Variants in CD6 observed in about 807,000 individuals in gnomAD.
CD6 encodes CD6 molecule.
A neutral mutation model predicts 75.3 loss-of-function variants in CD6; 53 were observed. That is an observed-to-expected ratio of 0.70 (90% CI 0.56 to 0.88). The LOEUF (loss-of-function observed/expected upper bound fraction) is 0.88, where lower values mean the gene tolerates loss of function less well. Ranked by LOEUF, CD6 falls within the 40% of genes least tolerant of loss-of-function variation. CD6 has a pLI of 0.00. For synonymous variants in CD6, 359 were observed against 381.5 expected (o/e 0.94, Z 0.69); for missense variants, 770 against 897.1 (o/e 0.86, Z 1.81).
intron 1 of CD6, among the ~76,000 whole-genome samples, chr11:60,973,633 C>T (rs944733270): frequency 6.6e-6 from 1 of 152,112 alleles, no homozygotes; most frequent in African/African-American, 2.4e-5. Context: ...GTGAAAAGAT[C>T]GTGAAGACCC....
rs772003975 is a variant in CD6 at position 61,017,941 on chromosome 11, T to C, written c.1765T>C (p.Ser589Pro). Reference sequence around the variant, plus strand: ...GCCTCCATGGAACCCCCAGGTGTTTTCTTCAGAGAGGAGTTCCTTCCTGGA... The same window carrying C: ...GCCTCCATGGAACCCCCAGGTGTTTCCTTCAGAGAGGAGTTCCTTCCTGGA... ...KLPPWNPQVF[S>P]SERSSFLEQP... The change falls in exon 11 of 13, where the codon TCT becomes CCT. Residue 589 changes from serine to proline, a missense_variant. Transcript: ENST00000313421. The C allele has an allele frequency of 3.7e-6, 6 of 1,613,888 alleles. No individual in the cohort carries two copies. The highest frequency in any genetic ancestry group is 5.1e-6 in the Non-Finnish European group (6 of 1,180,034).
At chr11:61,005,041 C>T (rs1356625864) in intron 1 of CD6, among the ~76,000 whole-genome samples, 1 of 152,224 alleles carries the variant, frequency 6.6e-6, no homozygotes, top group East Asian at 1.9e-4. Flanking sequence ...CAAGCCCAAA[C>T]ATCCCAGCCC....
At chr11:61,010,395 G>A (rs561102808) in intron 5 of CD6, among the ~76,000 whole-genome samples, 2 of 152,206 alleles carry the variant, frequency 1.3e-5, no homozygotes, top group South Asian at 2.1e-4. Flanking sequence ...AAAGAAGAAC[G>A]AACACTGCCA....
At chr11:61,009,015 A>C (rs918322369) in intron 4 of CD6, among the ~76,000 whole-genome samples, 170 bp downstream of exon 4, 5 of 152,184 alleles carry the variant, frequency 3.3e-5, no homozygotes, top group African/African-American at 9.7e-5. Context: ...AAAGTGGTAA[A>C]TGCCCCCAAG....
At chr11:60,990,199 A>AG (rs1399528358) in intron 1 of CD6, among the ~76,000 whole-genome samples, 35 of 152,176 alleles carry the variant, frequency 2.3e-4, no homozygotes, top group Non-Finnish European at 2.9e-4. Context: ...AAACATACAG[A>AG]AATGCATTGA....
chr11:60,988,478 AGAG>A (rs151234553), intron 1 of CD6, among the ~76,000 whole-genome samples: 3,409 of 152,152 alleles, frequency 0.022, 124 homozygotes, highest in African/African-American at 0.076. Flanking sequence ...TTATTTAAAG[AGAG>A]GAGGTGAGTG....
intron 1 of CD6, among the ~76,000 whole-genome samples, chr11:60,973,653 C>A (rs1857269224): frequency 6.6e-6 from 1 of 152,186 alleles, no homozygotes; most frequent in Admixed American, 6.5e-5. Context: ...CAGAGCTCAT[C>A]CCCTCTGTGA....
At chr11:60,991,149 CTT>C (rs58123378) in intron 1 of CD6, among the ~76,000 whole-genome samples, 14 of 114,700 alleles carry the variant, frequency 1.2e-4, no homozygotes, top group Non-Finnish European at 2.0e-4. Context: ...CTTTTTCTTT[CTT>C]TTTTTTTTTT....
chr11:60,983,938 G>T (rs935062556), intron 1 of CD6, among the ~76,000 whole-genome samples: 2 of 152,076 alleles, frequency 1.3e-5, no homozygotes, highest in African/African-American at 4.8e-5. Flanking sequence ...GTTGTCTGAT[G>T]GTTCTTCATG....
At chr11:61,009,244 C>T (rs1052450086) in intron 4 of CD6, among the ~76,000 whole-genome samples, 4 of 152,162 alleles carry the variant, frequency 2.6e-5, no homozygotes, top group African/African-American at 9.7e-5. Flanking sequence ...CAGCCAGTGC[C>T]TCTCTTTGAT....
In CD6 at chr11:61,007,916, A is replaced by G; in HGVS notation, c.469+6A>G. 7.5e-7 allele frequency: 1 copy of G among 1,329,328 alleles called. No homozygotes were observed. The highest frequency in any genetic ancestry group is 9.6e-7 in the Non-Finnish European group (1 of 1,042,204). The allele number at this position is 1,329,328 out of a possible 1,614,324, so 82.3% of individuals were successfully genotyped here. ...GGCCCGTGTCACCTGTGCAGGTACG[A>G]GCGCACCCCCTACACGGGCCCCCAC... is the stretch of plus-strand genomic sequence containing the variant. On this transcript the variant is annotated splice_donor_region_variant and intron_variant, in intron 3 of 12. Coordinates refer to ENST00000313421, the MANE Select transcript of CD6 (RefSeq NM_006725.5). This position sits in a 1 kb window ranked among gnomAD's most constrained non-coding sequence, Gnocchi z 4.2.
chr11:61,015,984 G>A (rs1028704345), intron 9 of CD6, 149 bp downstream of exon 9: 16 of 1,014,850 alleles, frequency 1.6e-5, no homozygotes, highest in African/African-American at 3.2e-5. Context: ...ACTGTAAATG[G>A]TCCTACACTG....
chr11:61,013,708 G>A, intron 7 of CD6, 145 bp downstream of exon 7: 1 of 950,800 alleles, frequency 1.1e-6, no homozygotes, highest in East Asian at 2.4e-5. Context: ...TTCCCAGCAT[G>A]CCCAGCAGTC....
At chr11:61,018,183 C>G (rs1168516494) in intron 11 of CD6, 106 bp from the exon 12 acceptor site, 7 of 1,299,278 alleles carry the variant, frequency 5.4e-6, no homozygotes, top group Admixed American at 2.4e-5. Context: ...TTGTCATTTG[C>G]CAAGCTAGGG....
intron 7 of CD6, among the ~76,000 whole-genome samples, 159 bp from the exon 8 acceptor site, chr11:61,013,760 G>T (rs920149936): frequency 6.6e-6 from 1 of 152,242 alleles, no homozygotes; most frequent in African/African-American, 2.4e-5. Flanking sequence ...GCATGTGTGT[G>T]TGTGCCTGTG....
intron 1 of CD6, among the ~76,000 whole-genome samples, chr11:60,972,705 G>A (rs111761369): frequency 2.6e-3 from 398 of 152,278 alleles, no homozygotes; most frequent in Non-Finnish European, 3.9e-3. Context: ...AACAGAATTC[G>A]GGCCAGGGGA....
chr11:61,015,964 C>A, intron 9 of CD6, 129 bp downstream of exon 9: 2 of 1,186,666 alleles, frequency 1.7e-6, no homozygotes, highest in Non-Finnish European at 2.3e-6. Flanking sequence ...CCTGGTTACC[C>A]ACTGGATTGA....
At chr11:60,998,522 G>A (rs1858411238) in intron 1 of CD6, among the ~76,000 whole-genome samples, 1 of 152,068 alleles carries the variant, frequency 6.6e-6, no homozygotes, top group Non-Finnish European at 1.5e-5. Flanking sequence ...AGCTCCTGAC[G>A]CCCAACCCAG....
chr11:60,983,059 C>G (rs1314477798), intron 1 of CD6, among the ~76,000 whole-genome samples: 1 of 152,098 alleles, frequency 6.6e-6, no homozygotes, highest in African/African-American at 2.4e-5. Context: ...AACGGCTCCT[C>G]CAGTCCTCAG....
Sources: gnomAD v4.1 joint callset for allele counts (sites outside exome capture counted in the v4.1 genomes callset) on GRCh38, gnomAD v4.1.1 for gene constraint, Gnocchi (gnomAD v3.1) non-coding constraint, MANE v1.5 for transcripts, NCBI Gene and HGNC (gene_info 2026-07-23, HGNC 2026-07-21) for gene names.